The following RAB14 variants were observed in gnomAD, a reference collection of about 807,000 sequenced individuals.
RAB14 encodes the protein ras-related protein Rab-14.
In RAB14, 3 loss-of-function variants were observed where a neutral mutation model predicts 31.1. The observed-to-expected ratio is 0.10, with a 90% confidence interval of 0.04 to 0.25. The LOEUF (loss-of-function observed/expected upper bound fraction) is 0.25. Among genes scored for constraint, RAB14 ranks in the 10% least tolerant of loss-of-function variants. The pLI, the probability that RAB14 is intolerant of heterozygous loss-of-function variation, is 1.00. For synonymous variants in RAB14, 85 were observed against 84.9 expected (o/e 1.00, Z 0.00); for missense variants, 111 against 260.1 (o/e 0.43, Z 3.94).
In RAB14 at chr9:121,193,352, T is replaced by G. The variant is rs1409463437; in HGVS notation, c.52+9A>C. ...TTTGGGAACAAGAGTGTAAGTTAAATAAACTTACCAATAATAATATATTTA... is the reference window on the plus strand; with the variant it reads ...TTTGGGAACAAGAGTGTAAGTTAAAGAAACTTACCAATAATAATATATTTA... On this transcript the variant is annotated intron_variant, in intron 2 of 7. Coordinates refer to ENST00000373840, the MANE Select transcript of RAB14 (RefSeq NM_016322.4). The G allele has an allele frequency of 6.4e-7, 1 of 1,560,786 alleles. No individual in the cohort carries two copies. The highest frequency in any genetic ancestry group is 1.4e-5 in the African/African-American group (1 of 72,472).
intron 1 of RAB14, among the ~76,000 whole-genome samples, chr9:121,201,054 C>T (rs1350099055): frequency 6.6e-6 from 1 of 152,176 alleles, no homozygotes; most frequent in Non-Finnish European, 1.5e-5. Flanking sequence ...GCGCACAGAC[C>T]CAGACCCCGG....
At chr9:121,184,052 C>T (rs1045715314) in intron 5 of RAB14, among the ~76,000 whole-genome samples, 1 of 152,124 alleles carries the variant, frequency 6.6e-6, no homozygotes, top group Non-Finnish European at 1.5e-5. Context: ...TCAAATAAGG[C>T]AAAAGGACTT....
At chr9:121,181,715 G>A (rs1000402065) in intron 7 of RAB14, 142 bp from the exon 8 acceptor site, 1 of 428,946 alleles carries the variant, frequency 2.3e-6, no homozygotes, top group Non-Finnish European at 4.1e-6. Flanking sequence ...CCAGAACACT[G>A]AGCTAAGAGA....
chr9:121,183,041 T>C, intron 6 of RAB14, 81 bp from the exon 7 acceptor site: 1 of 1,376,784 alleles, frequency 7.3e-7, no homozygotes. Flanking sequence ...CTGAAAAAGT[T>C]TCCCATCAGT....
chr9:121,189,077 C>T (rs906906580), intron 4 of RAB14, among the ~76,000 whole-genome samples: 10 of 152,094 alleles, frequency 6.6e-5, no homozygotes, highest in African/African-American at 1.9e-4. Flanking sequence ...GTTTCTTCCA[C>T]TTAGCATAAT....
Position 121,179,519 on chromosome 9 carries a change from T to A in RAB14, c.*1877A>T, listed in dbSNP as rs2053621291. 6.6e-6 allele frequency: 1 copy of A among 152,668 alleles called. No individual in the cohort carries two copies. The highest frequency in any genetic ancestry group is 1.5e-5 in the Non-Finnish European group (1 of 68,046). The allele number at this position is 152,668 out of a possible 1,614,324, so 9.5% of individuals were successfully genotyped here. ...ATGGGTGGTTTGTTTGTTTTGTTTT[T>A]GTAAATATACACACACACCAGCAGG... On this transcript the variant is annotated 3_prime_UTR_variant, in exon 8 of 8. Transcript: ENST00000373840.
chr9:121,178,908 T>G lies in RAB14; in HGVS notation c.*2488A>C, dbSNP rs994864624. 1 of 152,200 alleles carries G rather than the reference T, an allele frequency of 6.6e-6. No homozygotes were observed. The highest frequency in any genetic ancestry group is 1.5e-5 in the Non-Finnish European group (1 of 68,034). The allele number at this position is 152,200 out of a possible 1,614,324, so 9.4% of individuals were successfully genotyped here. ...AAAATTAAAAGGATTTCACATTCTT[T>G]CCAAAGTGTACTGCCCGGTGTCTGG... On this transcript the variant is annotated 3_prime_UTR_variant, in exon 8 of 8. Transcript: ENST00000373840.
At chr9:121,189,427 A>G (rs2053675062) in intron 4 of RAB14, among the ~76,000 whole-genome samples, 1 of 152,140 alleles carries the variant, frequency 6.6e-6, no homozygotes, top group Non-Finnish European at 1.5e-5. Context: ...CAGGTTTATT[A>G]ACAGTCTTCC....
In RAB14 at chr9:121,178,693, A is replaced by G. The variant is rs2053613094; in HGVS notation, c.*2703T>C. ...ATTAACGTGTAAACCACCAACCAAAAAAAAATAATAAGTTACTCCATCAAA... is the reference window on the plus strand; with the variant it reads ...ATTAACGTGTAAACCACCAACCAAAGAAAAATAATAAGTTACTCCATCAAA... On this transcript the variant is annotated 3_prime_UTR_variant, in exon 8 of 8. Transcript: ENST00000373840. 1 of 152,348 alleles carries G rather than the reference A, an allele frequency of 6.6e-6. No homozygotes were observed. The highest frequency in any genetic ancestry group is 6.5e-5 in the Admixed American group (1 of 15,278). The allele number at this position is 152,348 out of a possible 1,614,324, so 9.4% of individuals were successfully genotyped here.
chr9:121,201,155 G>A (rs945948839), intron 1 of RAB14, among the ~76,000 whole-genome samples: 3 of 152,148 alleles, frequency 2.0e-5, no homozygotes, highest in Admixed American at 2.0e-4. Flanking sequence ...GCGAAGAGCT[G>A]CCTTTGTACT....
chr9:121,188,540 T>TA (rs530621012), intron 4 of RAB14, among the ~76,000 whole-genome samples: 12 of 150,152 alleles, frequency 8.0e-5, no homozygotes, highest in African/African-American at 1.5e-4. Context: ...GTACTAGTAC[T>TA]AAAAAAAAAG....
At chr9:121,187,797 T>C (rs149763141) in intron 4 of RAB14, among the ~76,000 whole-genome samples, 1 of 152,110 alleles carries the variant, frequency 6.6e-6, no homozygotes, top group Non-Finnish European at 1.5e-5. Context: ...TCAAAGATAA[T>C]AAAATTTTTG....
intron 1 of RAB14, among the ~76,000 whole-genome samples, chr9:121,195,959 CA>C (rs2053713049): frequency 6.6e-6 from 1 of 151,988 alleles, no homozygotes; most frequent in African/African-American, 2.4e-5. Flanking sequence ...GTTGCTTTAA[CA>C]AAAGATTTCT....
chr9:121,181,245 A>G lies in RAB14; in HGVS notation c.*151T>C, dbSNP rs1211998308. The G allele has an allele frequency of 1.1e-5, 8 of 734,116 alleles. No individual in the cohort carries two copies. Among genetic ancestry groups the G allele is most frequent in the Middle Eastern group, 8.6e-4 (2 of 2,332 alleles). 45.5% of individuals were successfully genotyped at this position (734,116 alleles called of 1,614,324 possible). A position where few individuals can be genotyped will look rare whatever the true frequency, so the allele number is the denominator to read the frequency against. The stretch of plus-strand genomic sequence containing the variant: ...ATTACATCTAGTTGTTTAGCAGTTT[A>G]GTATTGTGTTAAACTGTTTTTACAA... On this transcript the variant is annotated 3_prime_UTR_variant, in exon 8 of 8. Transcript: ENST00000373840.
chr9:121,185,521 GCTT>G (rs1423845219), intron 5 of RAB14, among the ~76,000 whole-genome samples: 3 of 152,050 alleles, frequency 2.0e-5, no homozygotes, highest in Non-Finnish European at 4.4e-5. Flanking sequence ...CAAAGAAACT[GCTT>G]CTGTGCTGCC....
chr9:121,193,014 T>G (rs1039199798), intron 2 of RAB14, among the ~76,000 whole-genome samples: 46 of 152,146 alleles, frequency 3.0e-4, no homozygotes, highest in Non-Finnish European at 5.1e-4. Context: ...CAATTTTTCC[T>G]TATAACAGAA....
chr9:121,190,924 T>C (rs2053683138), intron 3 of RAB14, among the ~76,000 whole-genome samples, 193 bp from the exon 4 acceptor site: 2 of 152,036 alleles, frequency 1.3e-5, no homozygotes, highest in Non-Finnish European at 2.9e-5. Flanking sequence ...TGTACTAGAA[T>C]CGGGGTCAGC....
chr9:121,199,591 T>C (rs1273526851), intron 1 of RAB14, among the ~76,000 whole-genome samples: 3 of 152,196 alleles, frequency 2.0e-5, no homozygotes, highest in African/African-American at 7.2e-5. Context: ...CACTCCAAAT[T>C]CTGTTGCAAA....
rs1288495508 is a variant in RAB14, at chr9:121,201,678, A to AG, written c.-48dup. 7 of 150,276 alleles carry AG rather than the reference A, an allele frequency of 4.7e-5. No homozygotes were observed. Among genetic ancestry groups the AG allele is most frequent in the Non-Finnish European group, 7.4e-5 (5 of 67,686 alleles). The allele number at this position is 150,276 out of a possible 1,614,324, so 9.3% of individuals were successfully genotyped here. On this transcript the variant is annotated 5_prime_UTR_variant, in exon 1 of 8. Coordinates refer to ENST00000373840, the MANE Select transcript of RAB14 (RefSeq NM_016322.4). The stretch of plus-strand genomic sequence containing the variant: ...GTGGCTGGGCAGCTTTCCGGGCGGG[A>AG]GGGGGGCGTCAGGACCAGGAACAGG...
Sources: gnomAD v4.1 joint callset for allele counts (sites outside exome capture counted in the v4.1 genomes callset) on GRCh38, gnomAD v4.1.1 for gene constraint, MANE v1.5 for transcripts, NCBI Gene and HGNC (gene_info 2026-07-23, HGNC 2026-07-21) for gene names.